KIF16B: variants seen among roughly 807,000 people sequenced by gnomAD.
The protein encoded by KIF16B is kinesin family member 16B.
Under a neutral mutation model 156.3 loss-of-function variants are expected in KIF16B, and 98 were observed. That is an observed-to-expected ratio of 0.63 (90% CI 0.53 to 0.74). The LOEUF (loss-of-function observed/expected upper bound fraction) is 0.74. KIF16B is among the 30% of genes least tolerant of loss of function. The probability of loss-of-function intolerance (pLI) is 0.00; values close to 1 mark genes in which losing one functional copy is unlikely to be tolerated. For synonymous variants in KIF16B, 564 were observed against 583.7 expected, an observed-to-expected ratio of 0.97 and a Z score of 0.49; for missense variants, 1,421 against 1,606.5, an observed-to-expected ratio of 0.88 and a Z score of 1.97.
chr20:16,381,929 C>A (rs989865505), intron 17 of KIF16B, among the ~76,000 whole-genome samples, 182 bp from the exon 18 acceptor site: 1 of 152,178 alleles, frequency 6.6e-6, no homozygotes, highest in Non-Finnish European at 1.5e-5. Flanking sequence ...AGGAATTAGA[C>A]ATACTTTTGG....
intron 15 of KIF16B, among the ~76,000 whole-genome samples, chr20:16,420,697 GGTTTGTTT>G (rs111800657): frequency 3.9e-5 from 6 of 152,114 alleles, no homozygotes; most frequent in South Asian, 2.1e-4. Context: ...TGCCTCAAAA[GGTTTGTTT>G]GTTTGTTTGT....
chr20:16,421,571 G>A (rs1242679753), intron 15 of KIF16B, among the ~76,000 whole-genome samples: 1 of 152,008 alleles, frequency 6.6e-6, no homozygotes, highest in Admixed American at 6.6e-5. Flanking sequence ...GTTAAGTAAA[G>A]AATTCTAATC....
At chr20:16,327,364 T>C (rs2063873636) in intron 24 of KIF16B, among the ~76,000 whole-genome samples, 2 of 151,934 alleles carry the variant, frequency 1.3e-5, no homozygotes, top group South Asian at 2.1e-4. Flanking sequence ...GTGATGGGTA[T>C]ACCAAAATCT....
intron 12 of KIF16B, among the ~76,000 whole-genome samples, chr20:16,486,443 C>G (rs531633195): frequency 2.9e-4 from 44 of 152,292 alleles, no homozygotes; most frequent in African/African-American, 1.0e-3. Context: ...ATGCCCACCA[C>G]CTCTCATCTC....
chr20:16,393,697 C>G (rs2065425496), intron 17 of KIF16B, among the ~76,000 whole-genome samples: 1 of 152,160 alleles, frequency 6.6e-6, no homozygotes, highest in South Asian at 2.1e-4. Flanking sequence ...GTTGTACAAA[C>G]AGATATAATC....
chr20:16,475,473 C>T (rs1486242071), intron 12 of KIF16B, among the ~76,000 whole-genome samples: 1 of 152,172 alleles, frequency 6.6e-6, no homozygotes, highest in South Asian at 2.1e-4. Context: ...TGTGACAGTA[C>T]ATTCTTTCTG....
intron 17 of KIF16B, among the ~76,000 whole-genome samples, chr20:16,383,350 T>C (rs1372033608): frequency 6.6e-6 from 1 of 152,202 alleles, no homozygotes; most frequent in Non-Finnish European, 1.5e-5. Flanking sequence ...TGTGAACTCA[T>C]GGCAGTCTGC....
intron 25 of KIF16B, among the ~76,000 whole-genome samples, chr20:16,306,857 A>C (rs2063548474): frequency 6.6e-6 from 1 of 152,184 alleles, no homozygotes; most frequent in South Asian, 2.1e-4. Flanking sequence ...TTGTATATGC[A>C]ATCACATTTA....
chr20:16,459,443 T>C (rs1436107977), intron 12 of KIF16B, among the ~76,000 whole-genome samples: 1 of 152,196 alleles, frequency 6.6e-6, no homozygotes, highest in Non-Finnish European at 1.5e-5. Flanking sequence ...AAGGGCAATT[T>C]TCCAAAAGTA....
At chr20:16,319,136 C>T (rs1385102526) in intron 24 of KIF16B, among the ~76,000 whole-genome samples, 1 of 151,974 alleles carries the variant, frequency 6.6e-6, no homozygotes, top group African/African-American at 2.4e-5. Context: ...CCTATGGAGA[C>T]GTAATGACTA....
chr20:16,556,071 C>T (rs1183460836), intron 1 of KIF16B, among the ~76,000 whole-genome samples: 2 of 152,166 alleles, frequency 1.3e-5, no homozygotes, highest in East Asian at 3.9e-4. Context: ...AACACTGGGC[C>T]ACTCATTAGA....
At chr20:16,281,695 C>T (rs2063148804) in intron 25 of KIF16B, among the ~76,000 whole-genome samples, 1 of 152,188 alleles carries the variant, frequency 6.6e-6, no homozygotes, top group Non-Finnish European at 1.5e-5. Flanking sequence ...ACTCATCCAT[C>T]CAGCGCAGTC....
At chr20:16,539,452 G>A (rs1420935506) in intron 1 of KIF16B, among the ~76,000 whole-genome samples, 5 of 152,198 alleles carry the variant, frequency 3.3e-5, no homozygotes, top group African/African-American at 1.2e-4. Flanking sequence ...ATCTGTGGGA[G>A]TTTAAACTTG....
At chr20:16,366,004 C>A (rs1226315602) in intron 22 of KIF16B, among the ~76,000 whole-genome samples, 2 of 152,064 alleles carry the variant, frequency 1.3e-5, no homozygotes, top group African/African-American at 4.8e-5. Flanking sequence ...AGAACAGTGG[C>A]AGAGCACCTA....
chr20:16,555,362 G>GT (rs1340827213), intron 1 of KIF16B, among the ~76,000 whole-genome samples: 1 of 152,194 alleles, frequency 6.6e-6, no homozygotes. Context: ...CAGGTGGTTA[G>GT]TGGCAATGGC....
chr20:16,329,018 GA>G (rs1273349497), intron 24 of KIF16B, among the ~76,000 whole-genome samples: 1 of 152,118 alleles, frequency 6.6e-6, no homozygotes, highest in Non-Finnish European at 1.5e-5. Flanking sequence ...TTAAATGCAT[GA>G]AAATAAAGTC....
At chr20:16,329,003 C>T (rs2063903457) in intron 24 of KIF16B, among the ~76,000 whole-genome samples, 1 of 152,090 alleles carries the variant, frequency 6.6e-6, no homozygotes, top group Admixed American at 6.6e-5. Context: ...AAGAAAGACA[C>T]CCTGTTAAAT....
chr20:16,554,066 G>A (rs2070760879), intron 1 of KIF16B, among the ~76,000 whole-genome samples: 1 of 152,198 alleles, frequency 6.6e-6, no homozygotes, highest in Admixed American at 6.5e-5. Context: ...TGGGCACCAT[G>A]AACAGCAGCA....
At chr20:16,496,606 GTATAATACATCCA>G (rs2068458155) in intron 11 of KIF16B, among the ~76,000 whole-genome samples, 1 of 152,118 alleles carries the variant, frequency 6.6e-6, no homozygotes, top group Non-Finnish European at 1.5e-5. Context: ...GTCACAGCAT[GTATAATACATCCA>G]AATTAATACG....
Sources: allele counts gnomAD v4.1 joint callset (sites outside exome capture counted in the v4.1 genomes callset), GRCh38; gene constraint gnomAD v4.1.1; transcripts MANE v1.5; gene names NCBI Gene and HGNC (gene_info 2026-07-23, HGNC 2026-07-21).